The following MSRA variants were observed in gnomAD, a reference collection of about 807,000 sequenced individuals.
MSRA encodes methionine sulfoxide reductase A, also known as mitochondrial peptide methionine sulfoxide reductase.
MSRA carries 54 observed loss-of-function variants against 31.3 expected under a neutral mutation model. The ratio of observed to expected loss-of-function variants is 1.73; its 90% CI spans 1.39 to 2.17. The LOEUF (loss-of-function observed/expected upper bound fraction) is 2.17. MSRA is among the 30% of genes most tolerant of loss of function. MSRA has a pLI of 0.00. For missense variants in MSRA, 507 were observed against 300.9 expected (o/e 1.69, Z -5.07); for synonymous variants, 169 against 116.5 (o/e 1.45, Z -2.90).
intron 3 of MSRA, among the ~76,000 whole-genome samples, chr8:10,259,152 G>A (rs537535618): frequency 4.0e-5 from 6 of 151,546 alleles, no homozygotes; most frequent in African/African-American, 1.4e-4. Flanking sequence ...TGTTGCCTTT[G>A]ACCTTGTCAA....
intron 1 of MSRA, among the ~76,000 whole-genome samples, chr8:10,115,280 C>G (rs1396488559): frequency 6.6e-6 from 1 of 152,146 alleles, no homozygotes; most frequent in African/African-American, 2.4e-5. Context: ...TAACTGCGGT[C>G]ATGGTGTTAG....
intron 1 of MSRA, among the ~76,000 whole-genome samples, chr8:10,055,514 A>G (rs1436622967): frequency 6.6e-6 from 1 of 152,200 alleles, no homozygotes; most frequent in Non-Finnish European, 1.5e-5. Context: ...CAGCAGCATC[A>G]CCACCTGGGT....
rs534481535 is a variant in MSRA, at chr8:10,263,096, C to T, written c.331+17873C>T. On this transcript the variant is annotated intron_variant, in intron 3 of 5. Coordinates refer to ENST00000317173, the MANE Select transcript of MSRA (RefSeq NM_012331.5). ...GTGACAGTTTATCCTGACCCCAGCC[C>T]GAGGCCTAGTGTCTAGAAAAATTAT... 5.3e-4 allele frequency among the ~76,000 whole-genome samples: 80 copies of T among 152,302 alleles called. No individual in the cohort carries two copies. In the South Asian group the frequency reaches 5.4e-3, roughly 10 times the overall value.
intron 1 of MSRA, among the ~76,000 whole-genome samples, chr8:10,070,905 G>A (rs997116847): frequency 3.9e-5 from 6 of 152,192 alleles, no homozygotes; most frequent in African/African-American, 1.2e-4. Context: ...ACACATTGAA[G>A]GATATCTAGA....
intron 5 of MSRA, among the ~76,000 whole-genome samples, chr8:10,409,142 A>G (rs969113116): frequency 3.3e-5 from 5 of 152,216 alleles, no homozygotes; most frequent in South Asian, 2.1e-4. Flanking sequence ...AGAAATCTCC[A>G]TACTGTTTTC....
At chr8:10,118,600 A>G (rs948933167) in intron 1 of MSRA, among the ~76,000 whole-genome samples, 7 of 151,618 alleles carry the variant, frequency 4.6e-5, no homozygotes, top group African/African-American at 1.7e-4. Context: ...CTCATCTCCC[A>G]CCGCTCCGCC....
intron 5 of MSRA, among the ~76,000 whole-genome samples, chr8:10,369,072 A>G (rs1306713236): frequency 2.6e-5 from 4 of 152,240 alleles, no homozygotes; most frequent in Non-Finnish European, 2.9e-5. Flanking sequence ...AGGATTCACA[A>G]TGAGTTCGAG....
chr8:10,219,331 AG>A (rs1387551456), intron 2 of MSRA, among the ~76,000 whole-genome samples: 3 of 152,180 alleles, frequency 2.0e-5, no homozygotes, highest in Non-Finnish European at 4.4e-5. Context: ...CAGAAGGTGT[AG>A]GTAAAACTGT....
At chr8:10,382,210 G>A (rs1806113430) in intron 5 of MSRA, among the ~76,000 whole-genome samples, 1 of 152,180 alleles carries the variant, frequency 6.6e-6, no homozygotes, top group Non-Finnish European at 1.5e-5. Flanking sequence ...GAGGCTGCTG[G>A]CTTCCCTCTT....
intron 1 of MSRA, among the ~76,000 whole-genome samples, chr8:10,137,085 A>T (rs184168426): frequency 6.6e-6 from 1 of 152,202 alleles, no homozygotes; most frequent in Admixed American, 6.5e-5. Flanking sequence ...CCATCCTCAG[A>T]TCCTTGTTGT....
chr8:10,089,995 TTGG>T (rs1224721682), intron 1 of MSRA, among the ~76,000 whole-genome samples: 1 of 152,162 alleles, frequency 6.6e-6, no homozygotes, highest in Non-Finnish European at 1.5e-5. Flanking sequence ...AACATGAGAC[TTGG>T]TGGGGACAAG....
At chr8:10,199,925 A>G (rs1808349415) in intron 1 of MSRA, among the ~76,000 whole-genome samples, 1 of 152,136 alleles carries the variant, frequency 6.6e-6, no homozygotes, top group South Asian at 2.1e-4. Flanking sequence ...CAGGGAGTGA[A>G]CATGAGCCAA....
In MSRA at chr8:10,190,269, C is replaced by A. The variant is rs145116972; in HGVS notation, c.143-17564C>A. On this transcript the variant is annotated intron_variant, in intron 1 of 5. Coordinates refer to ENST00000317173, the MANE Select transcript of MSRA (RefSeq NM_012331.5). Reference sequence around the variant, plus strand: ...AGAACTCAGTCTCTGCGACCTCAAACCCTCAGCCTGGTGGTAATGTTTCTG... The same window carrying A: ...AGAACTCAGTCTCTGCGACCTCAAAACCTCAGCCTGGTGGTAATGTTTCTG... Among the ~76,000 whole-genome samples the A allele has an allele frequency of 7.0e-3, 1,063 of 152,284 alleles. 14 individuals carry two copies. The highest frequency in any genetic ancestry group is 0.025 in the African/African-American group (1,022 of 41,552).
At chr8:10,228,763 G>T (rs530089641) in intron 2 of MSRA, among the ~76,000 whole-genome samples, 1 of 152,306 alleles carries the variant, frequency 6.6e-6, no homozygotes, top group East Asian at 1.9e-4. Flanking sequence ...TCATCCTTAA[G>T]TTGGGGCTAG....
At chr8:10,173,585 A>G (rs1805784797) in intron 1 of MSRA, among the ~76,000 whole-genome samples, 1 of 152,112 alleles carries the variant, frequency 6.6e-6, no homozygotes, top group Non-Finnish European at 1.5e-5. Flanking sequence ...CATCTCCCTG[A>G]CACCTCAAAC....
chr8:10,247,749 G>C (rs1797699902), intron 3 of MSRA, among the ~76,000 whole-genome samples: 3 of 152,140 alleles, frequency 2.0e-5, no homozygotes. Context: ...ATACACAGAA[G>C]GAGAGACGAT....
intron 3 of MSRA, among the ~76,000 whole-genome samples, chr8:10,296,739 C>T (rs905886626): frequency 3.3e-5 from 5 of 152,162 alleles, no homozygotes; most frequent in Admixed American, 1.3e-4. Flanking sequence ...GTGTGGGTCC[C>T]GAGGAAAGGC....
chr8:10,193,915 G>C (rs191755139), intron 1 of MSRA, among the ~76,000 whole-genome samples: 5 of 152,214 alleles, frequency 3.3e-5, no homozygotes, highest in African/African-American at 9.6e-5. Flanking sequence ...AATCAATTGA[G>C]AGCTTCATAG....
chr8:10,211,346 C>G (rs1424649806), intron 2 of MSRA, among the ~76,000 whole-genome samples: 1 of 152,128 alleles, frequency 6.6e-6, no homozygotes, highest in Non-Finnish European at 1.5e-5. Flanking sequence ...TCCTGGTCTC[C>G]TTTTCTCTCT....
Sources: allele counts gnomAD v4.1 joint callset (sites outside exome capture counted in the v4.1 genomes callset), GRCh38; gene constraint gnomAD v4.1.1; transcripts MANE v1.5; gene names NCBI Gene and HGNC (gene_info 2026-07-23, HGNC 2026-07-21).